Variants in CCDC146 observed in about 807,000 individuals in gnomAD.
The protein encoded by CCDC146 is coiled-coil domain containing 146.
CCDC146 carries 92 observed loss-of-function variants against 119.3 expected under a neutral mutation model. The ratio of observed to expected loss-of-function variants is 0.77; its 90% confidence interval spans 0.65 to 0.92. The LOEUF is 0.92. Among genes scored for constraint, CCDC146 ranks in the 40% least tolerant of loss-of-function variants. The probability of loss-of-function intolerance (pLI) is 0.00; values close to 1 mark genes in which losing one functional copy is unlikely to be tolerated. For missense variants in CCDC146, 1,000 were observed against 1,103.0 expected (o/e 0.91, Z 1.32); for synonymous variants, 372 against 371.8 (o/e 1.00, Z -0.01).
chr7:77,205,364 T>A (rs1315052973), intron 2 of CCDC146, among the ~76,000 whole-genome samples: 1 of 152,218 alleles, frequency 6.6e-6, no homozygotes, highest in African/African-American at 2.4e-5. Flanking sequence ...ATATTATTTA[T>A]TCATTAATGC....
intron 2 of CCDC146, among the ~76,000 whole-genome samples, chr7:77,209,196 C>T (rs1240584374): frequency 6.6e-6 from 1 of 152,220 alleles, no homozygotes; most frequent in African/African-American, 2.4e-5. Context: ...AAATAAAGAA[C>T]AAGCTAGTTA....
At chr7:77,147,028 C>T (rs1421876546) in intron 1 of CCDC146, among the ~76,000 whole-genome samples, 1 of 152,152 alleles carries the variant, frequency 6.6e-6, no homozygotes, top group Non-Finnish European at 1.5e-5. Context: ...TCCATTCTCC[C>T]CGTCACTTTA....
intron 15 of CCDC146, among the ~76,000 whole-genome samples, chr7:77,285,249 C>T (rs148534594): frequency 3.9e-5 from 6 of 152,094 alleles, no homozygotes; most frequent in African/African-American, 1.4e-4. Context: ...TTGAGACATC[C>T]CTTTATAAGC....
At chr7:77,128,390 C>A (rs1375257000) in intron 1 of CCDC146, among the ~76,000 whole-genome samples, 1 of 151,928 alleles carries the variant, frequency 6.6e-6, no homozygotes, top group East Asian at 1.9e-4. Flanking sequence ...TGCTTCATTT[C>A]CTTCTGTGCA....
intron 11 of CCDC146, among the ~76,000 whole-genome samples, chr7:77,275,545 A>G (rs1793618166): frequency 6.6e-6 from 1 of 152,240 alleles, no homozygotes; most frequent in Admixed American, 6.5e-5. Flanking sequence ...TGGCAGCTGC[A>G]TAGGCTGCAG....
intron 2 of CCDC146, among the ~76,000 whole-genome samples, chr7:77,202,023 C>A (rs902366151): frequency 1.6e-4 from 25 of 152,166 alleles, no homozygotes; most frequent in Non-Finnish European, 2.5e-4. Flanking sequence ...TAAATCCCTG[C>A]ATTTAGTTAG....
At chr7:77,263,071 C>T (rs907075510) in intron 9 of CCDC146, among the ~76,000 whole-genome samples, 1 of 152,188 alleles carries the variant, frequency 6.6e-6, no homozygotes, top group African/African-American at 2.4e-5. Context: ...GCTCCAGAAC[C>T]TTATGGAGGG....
intron 2 of CCDC146, among the ~76,000 whole-genome samples, chr7:77,184,045 G>A (rs147142437): frequency 2.2e-4 from 34 of 152,230 alleles, no homozygotes; most frequent in African/African-American, 7.2e-4. Context: ...TAGACCTGTC[G>A]TGCATCTCTT....
intron 11 of CCDC146, among the ~76,000 whole-genome samples, chr7:77,277,027 G>A (rs958436582): frequency 5.3e-5 from 8 of 152,162 alleles, no homozygotes; most frequent in African/African-American, 9.6e-5. Flanking sequence ...AGCTGAGATT[G>A]CGCCACTGCA....
At position 77,154,557 on chromosome 7, in the gene CCDC146, T is replaced by C. The variant is rs560845345; in HGVS notation, c.-11-13101T>C. 5.5e-4 allele frequency among the ~76,000 whole-genome samples: 84 copies of C among 151,848 alleles called. 2 individuals carry two copies. Among genetic ancestry groups the C allele is most frequent in the African/African-American group, 1.4e-3 (56 of 41,396 alleles). ...ACCTATGAGTGAGAACATGCGGTGT[T>C]TGGCTTTTTGTCCTTGTGATAGTTT... On this transcript the variant is annotated intron_variant, in intron 1 of 18. Coordinates refer to ENST00000285871, the MANE Select transcript of CCDC146 (RefSeq NM_020879.3).
At position 77,255,594 on chromosome 7, in the gene CCDC146, G is replaced by A. The variant is rs183587693; in HGVS notation, c.508-739G>A. ...TCATTCAGATCCTAGGATCACCAAT[G>A]ATGCTCTCACCCAGCAGTGGTGGGA... On this transcript the variant is annotated intron_variant, in intron 5 of 18. Coordinates refer to ENST00000285871, the MANE Select transcript of CCDC146 (RefSeq NM_020879.3). 13 of 152,324 alleles carry A rather than the reference G, an allele frequency of 8.5e-5. No individual in the cohort carries two copies. The East Asian group carries it at 2.5e-3, about 29-fold the overall frequency. The allele number at this position is 152,324 out of a possible 1,614,324, so 9.4% of individuals were successfully genotyped here. A position where few individuals can be genotyped will look rare whatever the true frequency, so the allele number is the denominator to read the frequency against.
chr7:77,191,949 G>T (rs1791774324), intron 2 of CCDC146, among the ~76,000 whole-genome samples: 2 of 151,474 alleles, frequency 1.3e-5, no homozygotes, highest in Non-Finnish European at 2.9e-5. Context: ...GGATGATGAT[G>T]ATTTTTTTTC....
Position 77,286,916 on chromosome 7 carries a change from A to ATCCTT in CCDC146, c.2267_2268insTCCTT (p.Lys756AsnfsTer4). 1 of 1,614,080 alleles carries ATCCTT rather than the reference A, an allele frequency of 6.2e-7. No individual in the cohort carries two copies. Among genetic ancestry groups the ATCCTT allele is most frequent in the African/African-American group, 1.3e-5 (1 of 75,044 alleles). On this transcript the variant is annotated frameshift_variant, in exon 16 of 19. Coordinates refer to ENST00000285871, the MANE Select transcript of CCDC146 (RefSeq NM_020879.3). LOFTEE classifies it high-confidence loss of function. ...CTGACCGAAAAAGAAATGATCCAAAAATTAGACAAGGTAAACATTATTGCT... is the reference window on the plus strand; with the variant it reads ...CTGACCGAAAAAGAAATGATCCAAAATCCTTATTAGACAAGGTAAACATTATTGCT...
chr7:77,294,554 C>T (rs1485177123), intron 18 of CCDC146, 109 bp from the exon 19 acceptor site: 5 of 945,636 alleles, frequency 5.3e-6, no homozygotes, highest in Non-Finnish European at 8.1e-6. Flanking sequence ...GGAGTATCAG[C>T]TAGCACGGTC....
intron 2 of CCDC146, among the ~76,000 whole-genome samples, chr7:77,192,672 C>T (rs191325365): frequency 1.3e-5 from 2 of 152,236 alleles, no homozygotes; most frequent in Middle Eastern, 3.4e-3. Flanking sequence ...TGCCTGTAAT[C>T]CCAGCACTTT....
chr7:77,206,635 A>G (rs912330609), intron 2 of CCDC146, among the ~76,000 whole-genome samples: 9 of 140,890 alleles, frequency 6.4e-5, no homozygotes, highest in Admixed American at 2.2e-4. Flanking sequence ...TCTGTCTCCA[A>G]AAAAGAAACA....
At chr7:77,245,199 T>A (rs1176551435) in intron 4 of CCDC146, among the ~76,000 whole-genome samples, 1 of 152,240 alleles carries the variant, frequency 6.6e-6, no homozygotes, top group Non-Finnish European at 1.5e-5. Context: ...TATTTATGAC[T>A]TGATAAGTAT....
chr7:77,231,749 T>C (rs1234316605), intron 2 of CCDC146, among the ~76,000 whole-genome samples: 1 of 152,106 alleles, frequency 6.6e-6, no homozygotes, highest in African/African-American at 2.4e-5. Context: ...ATTTATAATA[T>C]TTTCTTTGAA....
At chr7:77,251,313 T>C (rs3114312) in intron 4 of CCDC146, among the ~76,000 whole-genome samples, 123,396 of 152,072 alleles carry the variant, frequency 0.81, 51,640 homozygotes, top group South Asian at 0.94. Flanking sequence ...TGAACCACCA[T>C]GCCTGGCTGA....
Sources: allele counts gnomAD v4.1 joint callset (sites outside exome capture counted in the v4.1 genomes callset), GRCh38; gene constraint gnomAD v4.1.1; transcripts MANE v1.5; gene names NCBI Gene and HGNC (gene_info 2026-07-23, HGNC 2026-07-21).